LRRIQ1: variants seen among roughly 807,000 people sequenced by gnomAD.
LRRIQ1 encodes leucine rich repeats and IQ motif containing 1.
In LRRIQ1, 210 loss-of-function variants were observed where a neutral mutation model predicts 211.9. The ratio of observed to expected loss-of-function variants is 0.99; its 90% CI spans 0.89 to 1.11. The LOEUF is 1.11. Ranked by LOEUF, LRRIQ1 falls within the 50% of genes most tolerant of loss-of-function variation. The pLI, the probability that LRRIQ1 is intolerant of heterozygous loss-of-function variation, is 0.00. For synonymous variants in LRRIQ1, 699 were observed against 650.1 expected, an observed-to-expected ratio of 1.08 and a Z score of -1.14; for missense variants, 2,136 against 1,939.5, an observed-to-expected ratio of 1.10 and a Z score of -1.90.
At chr12:85,180,111 A>T in intron 24 of LRRIQ1, among the ~76,000 whole-genome samples, 1 of 151,996 alleles carries the variant, frequency 6.6e-6, no homozygotes, top group East Asian at 1.9e-4. Flanking sequence ...CAACTCATTC[A>T]GTGTTCACAT....
At chr12:85,204,427 T>C (rs1182105866) in intron 24 of LRRIQ1, among the ~76,000 whole-genome samples, 2 of 152,100 alleles carry the variant, frequency 1.3e-5, no homozygotes, top group Non-Finnish European at 2.9e-5. Context: ...CCCAAAATGG[T>C]AGATCCACCA....
At chr12:85,129,236 G>T (rs879496135) in intron 18 of LRRIQ1, among the ~76,000 whole-genome samples, 1 of 152,094 alleles carries the variant, frequency 6.6e-6, no homozygotes, top group Admixed American at 6.5e-5. Context: ...GTCAGGAATT[G>T]TTCTAGGCTC....
chr12:85,240,764 A>C (rs988317889), intron 26 of LRRIQ1, among the ~76,000 whole-genome samples: 4 of 152,134 alleles, frequency 2.6e-5, no homozygotes, highest in Non-Finnish European at 5.9e-5. Flanking sequence ...ATCTCAAAAG[A>C]TTACATGCTG....
intron 24 of LRRIQ1, among the ~76,000 whole-genome samples, chr12:85,212,157 C>A (rs978205575): frequency 6.6e-6 from 1 of 151,944 alleles, no homozygotes; most frequent in African/African-American, 2.4e-5. Flanking sequence ...TGGTGGCATG[C>A]ACCTGTAGTC....
At chr12:85,197,546 GA>G (rs929990529) in intron 24 of LRRIQ1, among the ~76,000 whole-genome samples, 3 of 150,636 alleles carry the variant, frequency 2.0e-5, no homozygotes, top group Admixed American at 6.7e-5. Context: ...GATGAAATTG[GA>G]AATCATCATT....
At chr12:85,182,561 T>C (rs1435455975) in intron 24 of LRRIQ1, among the ~76,000 whole-genome samples, 7 of 152,012 alleles carry the variant, frequency 4.6e-5, no homozygotes, top group Admixed American at 4.6e-4. Context: ...ATGAAATGCT[T>C]TAAAAAATTA....
At chr12:85,076,473 T>A (rs894811137) in intron 11 of LRRIQ1, 6 of 214,068 alleles carry the variant, frequency 2.8e-5, no homozygotes, top group African/African-American at 1.4e-4. Context: ...ATTTGCCAAT[T>A]TATAAATTTC....
At chr12:85,192,269 G>T (rs1041366689) in intron 24 of LRRIQ1, among the ~76,000 whole-genome samples, 1 of 149,518 alleles carries the variant, frequency 6.7e-6, no homozygotes, top group Non-Finnish European at 1.5e-5. Context: ...TTCATTTTCT[G>T]TTCCTGTGTT....
intron 24 of LRRIQ1, among the ~76,000 whole-genome samples, chr12:85,211,751 T>C (rs1018858265): frequency 2.6e-5 from 4 of 152,216 alleles, no homozygotes; most frequent in Non-Finnish European, 4.4e-5. Context: ...TGCCTCTTAG[T>C]ACAGTTTCCT....
At chr12:85,248,342 T>C (rs1040637876), downstream of LRRIQ1, among the ~76,000 whole-genome samples, 1 of 151,676 alleles carries the variant, frequency 6.6e-6, no homozygotes, top group South Asian at 2.1e-4. Context: ...TCCAGTGATA[T>C]ATCATCTTTA....
At chr12:85,143,682 A>T (rs956655425) in intron 19 of LRRIQ1, among the ~76,000 whole-genome samples, 18 of 151,686 alleles carry the variant, frequency 1.2e-4, no homozygotes, top group Admixed American at 1.3e-4. Context: ...ATTTTTAGTT[A>T]TAAAATTCCT....
chr12:85,236,893 A>T (rs919684908), intron 26 of LRRIQ1, among the ~76,000 whole-genome samples: 3 of 146,550 alleles, frequency 2.0e-5, no homozygotes, highest in African/African-American at 7.7e-5. Context: ...ATCAAAGAAT[A>T]TATACCAAGA....
At chr12:85,264,994 G>A (rs150716330), downstream of LRRIQ1, among the ~76,000 whole-genome samples, 3 of 151,996 alleles carry the variant, frequency 2.0e-5, no homozygotes, top group Admixed American at 2.0e-4. Flanking sequence ...TGCTAGGTAG[G>A]GGGTGTTTGG....
At chr12:85,259,956 A>G (rs1481925092) in intron 1 of LRRIQ1, among the ~76,000 whole-genome samples, 1 of 152,030 alleles carries the variant, frequency 6.6e-6, no homozygotes. Flanking sequence ...AGTCCCTTAA[A>G]ATGTAGAAAC....
chr12:85,055,565 C>G lies in LRRIQ1; in HGVS notation c.772C>G (p.His258Asp). ...GTTTTAGGAGTATATTAGAAACTTG[C>G]ATTTACAAATGGAAGAAGAAAGAAC... ...KQHEEYIRNL[H>D]LQMEEERTRF... Residue 258 changes from histidine to aspartate, a missense_variant, in exon 8 of 27, where the codon CAT becomes GAT. Coordinates refer to ENST00000393217, the MANE Select transcript of LRRIQ1 (RefSeq NM_001079910.2). The G allele has an allele frequency of 6.5e-7, 1 of 1,534,934 alleles. No individual in the cohort carries two copies. The highest frequency in any genetic ancestry group is 1.4e-5 in the African/African-American group (1 of 71,408).
chr12:85,086,885 C>T (rs991601555), intron 11 of LRRIQ1, among the ~76,000 whole-genome samples: 2 of 151,942 alleles, frequency 1.3e-5, no homozygotes, highest in Non-Finnish European at 2.9e-5. Flanking sequence ...GCCTTACTCA[C>T]TACTTTCTCC....
chr12:85,133,647 G>A (rs1363550606), intron 18 of LRRIQ1, among the ~76,000 whole-genome samples: 1 of 152,040 alleles, frequency 6.6e-6, no homozygotes, highest in Non-Finnish European at 1.5e-5. Context: ...GTTTGAAAAG[G>A]ATAATTGAAT....
chr12:85,143,399 T>C (rs1449014367), intron 19 of LRRIQ1, among the ~76,000 whole-genome samples: 3 of 151,776 alleles, frequency 2.0e-5, no homozygotes, highest in Admixed American at 6.6e-5. Context: ...TCTCCCATTA[T>C]GTAGGTTGTC....
chr12:85,237,573 A>T (rs1479619823), intron 26 of LRRIQ1, among the ~76,000 whole-genome samples: 2 of 151,952 alleles, frequency 1.3e-5, no homozygotes, highest in African/African-American at 4.8e-5. Flanking sequence ...CTGAAAAGAG[A>T]CTCTAGAGAC....
Sources: gnomAD v4.1 joint callset for allele counts (sites outside exome capture counted in the v4.1 genomes callset) on GRCh38, gnomAD v4.1.1 for gene constraint, MANE v1.5 for transcripts, NCBI Gene and HGNC (gene_info 2026-07-23, HGNC 2026-07-21) for gene names.